The following GLA variants were observed in gnomAD, a reference collection of about 807,000 sequenced individuals.
The protein encoded by GLA is alpha-galactosidase A.
A neutral mutation model predicts 28.2 loss-of-function variants in GLA; 4 were observed. That is an observed-to-expected ratio of 0.14 (90% confidence interval 0.07 to 0.32). The LOEUF (loss-of-function observed/expected upper bound fraction) is 0.32. GLA is among the 10% of genes least tolerant of loss of function. The pLI, the probability that GLA is intolerant of heterozygous loss-of-function variation, is 1.00. For missense variants in GLA, 203 were observed against 323.7 expected, an observed-to-expected ratio of 0.63 and a Z score of 2.86; for synonymous variants, 94 against 113.0, an observed-to-expected ratio of 0.83 and a Z score of 1.07.
intron 4 of GLA, 87 bp downstream of exon 4, chrX:101,400,579 T>A (rs782436614): frequency 1.1e-5 from 6 of 546,615 alleles, no homozygotes; most frequent in Non-Finnish European, 2.0e-5. Context: ...TAAGTAACGT[T>A]GGACTTTGAA....
In GLA at chrX:101,398,115, AGT is replaced by A. The variant is rs782298988; in HGVS notation, c.1000-18_1000-17del. The A allele has an allele frequency of 8.3e-7, 1 of 1,201,832 alleles. No homozygotes were observed. Among genetic ancestry groups the A allele is most frequent in the South Asian group, 1.8e-5 (1 of 56,673 alleles). On this transcript the variant is annotated splice_polypyrimidine_tract_variant and intron_variant, in intron 6 of 6. Coordinates refer to ENST00000218516, the MANE Select transcript of GLA (RefSeq NM_000169.3). ...AGTTGTCTCCCTGAAAAACCAAGAA[AGT>A]GTGGTTGCTTAGCAACTAGTGATAA...
At chrX:101,406,140 A>C (rs1555986760) in intron 1 of GLA, among the ~76,000 whole-genome samples, 1 of 97,333 alleles carries the variant, frequency 1.0e-5, no homozygotes, top group Non-Finnish European at 2.0e-5. Context: ...TGAACCCAGG[A>C]GGCGGAGCTT....
intron 2 of GLA, among the ~76,000 whole-genome samples, chrX:101,403,028 G>A (rs781867404): frequency 4.5e-5 from 5 of 110,465 alleles, no homozygotes; most frequent in South Asian, 7.7e-4. Flanking sequence ...GGCTAGGCGC[G>A]GTGGCTCATG....
chrX:101,407,821 C>T lies in GLA; in HGVS notation c.83G>A (p.Gly28Glu). Reference sequence around the variant, plus strand: ...CAATCCATTGTCCAGTGCTCTAGCCCCAGGGATGTCCCAGGAAACGAGGGC... The same window carrying T: ...CAATCCATTGTCCAGTGCTCTAGCCTCAGGGATGTCCCAGGAAACGAGGGC... ...FLALVSWDIP[G>E]ARALDNGLAR... The change falls in exon 1 of 7, where the codon GGG becomes GAG. Residue 28 changes from glycine (G) to glutamate (E), a missense_variant. By Grantham distance (98) the Gly-to-Glu change is moderately conservative. Coordinates refer to ENST00000218516, the MANE Select transcript of GLA (RefSeq NM_000169.3). The T allele has an allele frequency of 8.3e-7, 1 of 1,210,964 alleles. No individual in the cohort carries two copies. The highest frequency in any genetic ancestry group is 1.1e-6 in the Non-Finnish European group (1 of 894,675).
intron 1 of GLA, 23 bp downstream of exon 1, chrX:101,407,683 GGGAA>G: frequency 8.5e-7 from 1 of 1,177,902 alleles, no homozygotes; most frequent in Non-Finnish European, 1.2e-6. Flanking sequence ...GAAAAGCAAA[GGGAA>G]GGGAGTACCC....
intron 2 of GLA, 70 bp from the exon 3 acceptor site, chrX:101,401,879 C>A (rs869312290): frequency 2.0e-5 from 20 of 999,393 alleles, no homozygotes; most frequent in Non-Finnish European, 2.8e-5. Context: ...AAGAGAGAAC[C>A]ATTCCAGGCT....
At chrX:101,407,362 T>A (rs1255439023) in intron 1 of GLA, among the ~76,000 whole-genome samples, 1 of 110,629 alleles carries the variant, frequency 9.0e-6, no homozygotes, top group African/African-American at 3.3e-5. Flanking sequence ...ACACTGCCTA[T>A]GGGGTGGCCC....
At chrX:101,407,596 C>A (rs1928571533) in intron 1 of GLA, 114 bp downstream of exon 1, 1 of 689,021 alleles carries the variant, frequency 1.5e-6, no homozygotes, top group Non-Finnish European at 2.4e-6. Flanking sequence ...GCAGCAGAGT[C>A]GGGTGGGGGA....
intron 4 of GLA, 109 bp downstream of exon 4, chrX:101,400,557 G>C: frequency 1.9e-6 from 1 of 520,077 alleles, no homozygotes; most frequent in Non-Finnish European, 3.5e-6. Flanking sequence ...GGGAGAGATG[G>C]TAGGATGATA....
intron 4 of GLA, among the ~76,000 whole-genome samples, chrX:101,400,378 A>T (rs995705111): frequency 1.4e-4 from 16 of 110,809 alleles, no homozygotes; most frequent in Non-Finnish European, 3.0e-4. Flanking sequence ...GTGAAGATGG[A>T]AGGAAGTGGG....
intron 4 of GLA, among the ~76,000 whole-genome samples, chrX:101,400,037 T>C (rs1255031566): frequency 9.0e-6 from 1 of 110,744 alleles, no homozygotes; most frequent in Non-Finnish European, 1.9e-5. Context: ...AGAAAACCAG[T>C]GTAGCCAGGG....
chrX:101,400,545 C>T (rs1430191982), intron 4 of GLA, 121 bp downstream of exon 4: 2 of 511,029 alleles, frequency 3.9e-6, no homozygotes, highest in African/African-American at 4.7e-5. Flanking sequence ...TGGTTGGAAC[C>T]TGGGAGAGAT....
intron 1 of GLA, among the ~76,000 whole-genome samples, chrX:101,406,874 G>A (rs782319865): frequency 1.8e-5 from 2 of 112,659 alleles, no homozygotes; most frequent in Non-Finnish European, 3.7e-5. Context: ...CTCTGTAAGC[G>A]CAGTTGAATG....
At chrX:101,398,232 G>T (rs1484132744) in intron 6 of GLA, 133 bp from the exon 7 acceptor site, 1 of 769,991 alleles carries the variant, frequency 1.3e-6, no homozygotes, top group Non-Finnish European at 2.0e-6. Context: ...CATTATTTTG[G>T]AAATAAAGTA....
intron 1 of GLA, among the ~76,000 whole-genome samples, chrX:101,407,084 A>AATT (rs1279146223): frequency 8.9e-6 from 1 of 112,301 alleles, no homozygotes; most frequent in Non-Finnish European, 1.9e-5. Context: ...CAAAGGTGTA[A>AATT]ATGTATAAAG....
chrX:101,402,141 A>G (rs1555985940), intron 2 of GLA, among the ~76,000 whole-genome samples: 2 of 112,409 alleles, frequency 1.8e-5, no homozygotes, highest in African/African-American at 6.5e-5. Context: ...ACTCTTCTTG[A>G]CCAAACTTTA....
chrX:101,402,736 C>A (rs377560993), intron 2 of GLA, among the ~76,000 whole-genome samples: 1 of 110,110 alleles, frequency 9.1e-6, no homozygotes, highest in African/African-American at 3.3e-5. Context: ...TGCACTCCAG[C>A]CTGGGCGACA....
intron 1 of GLA, among the ~76,000 whole-genome samples, chrX:101,406,040 T>TAAAA (rs34454314): frequency 1.9e-4 from 8 of 42,536 alleles, no homozygotes; most frequent in African/African-American, 6.1e-4. Context: ...CCGTCTGTAC[T>TAAAA]AAAAAAAAAA....
At chrX:101,401,286 T>C (rs1437894927) in intron 3 of GLA, 2 of 289,471 alleles carry the variant, frequency 6.9e-6, no homozygotes, top group African/African-American at 5.5e-5. Flanking sequence ...GGTGTGTATA[T>C]TGAGGAAAGG....
Sources: allele counts gnomAD v4.1 joint callset (sites outside exome capture counted in the v4.1 genomes callset), GRCh38; gene constraint gnomAD v4.1.1; transcripts MANE v1.5; gene names NCBI Gene and HGNC (gene_info 2026-07-23, HGNC 2026-07-21).